Variants in RAB20 observed in about 807,000 individuals in gnomAD.
RAB20 encodes the protein ras-related protein Rab-20.
A neutral mutation model predicts 3.7 loss-of-function variants in RAB20; 2 were observed. The ratio of observed to expected loss-of-function variants is 0.54; its 90% CI spans 0.22 to 1.69. The LOEUF is 1.69. RAB20 is among the 40% of genes most tolerant of loss of function. RAB20 has a pLI of 0.19. For synonymous variants in RAB20, 126 were observed against 130.8 expected, an observed-to-expected ratio of 0.96 and a Z score of 0.25; for missense variants, 276 against 311.9, an observed-to-expected ratio of 0.88 and a Z score of 0.87.
At chr13:110,539,181 TGAC>T (rs1884709149) in intron 1 of RAB20, among the ~76,000 whole-genome samples, 2 of 152,216 alleles carry the variant, frequency 1.3e-5, no homozygotes, top group Non-Finnish European at 2.9e-5. Context: ...GAATAGTCTA[TGAC>T]AATTAAAGGG....
At chr13:110,558,573 G>T (rs984647769) in intron 1 of RAB20, among the ~76,000 whole-genome samples, 2 of 151,410 alleles carry the variant, frequency 1.3e-5, no homozygotes, top group Non-Finnish European at 2.9e-5. Context: ...TAGTAGACAC[G>T]GGTTCACCAC....
chr13:110,524,654 C>T (rs147598115), intron 1 of RAB20, among the ~76,000 whole-genome samples: 122 of 152,358 alleles, frequency 8.0e-4, no homozygotes, highest in African/African-American at 2.8e-3. Flanking sequence ...CCTTCACCCT[C>T]CTCCTTTACA....
At chr13:110,545,995 C>T (rs1278575684) in intron 1 of RAB20, among the ~76,000 whole-genome samples, 1 of 151,982 alleles carries the variant, frequency 6.6e-6, no homozygotes, top group Admixed American at 6.6e-5. Context: ...AAGCATACAG[C>T]AAAGCAGATG....
intron 1 of RAB20, among the ~76,000 whole-genome samples, chr13:110,545,530 G>C (rs1379357209): frequency 1.3e-5 from 2 of 152,154 alleles, no homozygotes; most frequent in Non-Finnish European, 2.9e-5. Flanking sequence ...CTGATTTATA[G>C]GCAGTCCTCC....
Position 110,535,566 on chromosome 13 carries a change from C to A in RAB20, c.173-11369G>T, listed in dbSNP as rs142565936. 5.8e-3 allele frequency among the ~76,000 whole-genome samples: 881 copies of A among 152,362 alleles called. 10 individuals carry two copies. The highest frequency in any genetic ancestry group is 0.019 in the African/African-American group (803 of 41,590). On this transcript the variant is annotated intron_variant, in intron 1 of 1. Coordinates refer to ENST00000267328, the MANE Select transcript of RAB20 (RefSeq NM_017817.3). Reference sequence around the variant, plus strand: ...AGAGACTCTACTGGCGAGATTGGAACCCATTCCCTAGATTCCACCTCTCCT... The same window carrying A: ...AGAGACTCTACTGGCGAGATTGGAAACCATTCCCTAGATTCCACCTCTCCT...
chr13:110,546,695 C>CT (rs1884854291), intron 1 of RAB20, among the ~76,000 whole-genome samples: 1 of 131,270 alleles, frequency 7.6e-6, no homozygotes, highest in Non-Finnish European at 1.7e-5. Flanking sequence ...ACAAGCTGAA[C>CT]TTCTGTTTTT....
intron 1 of RAB20, among the ~76,000 whole-genome samples, chr13:110,535,468 C>T (rs760271625): frequency 3.3e-5 from 5 of 152,244 alleles, no homozygotes; most frequent in Non-Finnish European, 7.3e-5. Flanking sequence ...TCGTGGGTCA[C>T]GTCTTCATGG....
intron 1 of RAB20, among the ~76,000 whole-genome samples, chr13:110,549,987 C>T (rs1224985334): frequency 6.6e-6 from 1 of 152,162 alleles, no homozygotes; most frequent in African/African-American, 2.4e-5. Flanking sequence ...GCCTCCCACA[C>T]TGCTGGGATG....
rs1885029809 is a variant in RAB20, at chr13:110,555,826, C to T, written c.172+5522G>A. On this transcript the variant is annotated intron_variant, in intron 1 of 1. Transcript: ENST00000267328. This position sits in a 1 kb window ranked among gnomAD's most constrained non-coding sequence, Gnocchi z 4.0. ...TCTTTACCACGGCCACCGCGAGTGC[C>T]CCCAGCCTTCCCTCCTCTCGCCGTG... 6.6e-6 allele frequency among the ~76,000 whole-genome samples: 1 copy of T among 152,192 alleles called. No individual in the cohort carries two copies. The highest frequency in any genetic ancestry group is 2.1e-4 in the South Asian group (1 of 4,836).
In RAB20 at chr13:110,561,353, G is replaced by A. The variant is rs753402781; in HGVS notation, c.167C>T (p.Thr56Ile). The A allele has an allele frequency of 3.1e-6, 5 of 1,601,998 alleles. No homozygotes were observed. The South Asian group carries it at 4.4e-5, about 14-fold the overall frequency. Reference sequence around the variant, plus strand: ...TCATGCGGCGCCGGCCTCACCTGCGGTGTCCCAGATGGAGATGTTGTAGGA... The same window carrying A: ...TCATGCGGCGCCGGCCTCACCTGCGATGTCCCAGATGGAGATGTTGTAGGA... ...WRSYNISIWD[T>I]AGREQFHGLG... Residue 56 changes from threonine (T) to isoleucine (I), a missense_variant, in exon 1 of 2, where the codon ACC (threonine) becomes ATC (isoleucine). Thr to Ile is a moderately conservative substitution (Grantham distance 89, BLOSUM62 -1). Transcript: ENST00000267328.
chr13:110,548,910 G>C (rs1230766371), intron 1 of RAB20, among the ~76,000 whole-genome samples: 1 of 152,174 alleles, frequency 6.6e-6, no homozygotes, highest in Non-Finnish European at 1.5e-5. Context: ...GCACCCAGAA[G>C]CATGATAAAT....
intron 1 of RAB20, among the ~76,000 whole-genome samples, chr13:110,528,763 G>T (rs1884476593): frequency 6.6e-6 from 1 of 152,060 alleles, no homozygotes; most frequent in African/African-American, 2.4e-5. Flanking sequence ...ACTAAAAAAG[G>T]AAATAATAAT....
intron 1 of RAB20, among the ~76,000 whole-genome samples, chr13:110,533,851 T>C (rs1214001434): frequency 6.6e-6 from 1 of 152,262 alleles, no homozygotes; most frequent in Admixed American, 6.5e-5. Context: ...CTGGGCTGCC[T>C]GGAGCCAGCA....
Position 110,533,532 on chromosome 13 carries a change from A to T in RAB20, c.173-9335T>A, listed in dbSNP as rs183227775. Among the ~76,000 whole-genome samples the T allele has an allele frequency of 6.8e-3, 1,039 of 152,214 alleles. 8 individuals carry two copies. Among genetic ancestry groups the T allele is most frequent in the Admixed American group, 0.012 (176 of 15,290 alleles). On this transcript the variant is annotated intron_variant, in intron 1 of 1. Coordinates refer to ENST00000267328, the MANE Select transcript of RAB20 (RefSeq NM_017817.3). ...TCCCTATCTCTACAAAAAAAAATTT[A>T]AAAATGAGCTGGGTATGATGGTATG...
At chr13:110,551,768 A>G (rs945972203) in intron 1 of RAB20, among the ~76,000 whole-genome samples, 1 of 152,052 alleles carries the variant, frequency 6.6e-6, no homozygotes, top group Non-Finnish European at 1.5e-5. Context: ...TACAGAAAGA[A>G]GGGCAATTTG....
At chr13:110,528,101 T>C (rs1013345881) in intron 1 of RAB20, among the ~76,000 whole-genome samples, 11 of 148,330 alleles carry the variant, frequency 7.4e-5, no homozygotes, top group African/African-American at 2.8e-4. Context: ...ACCCCATATC[T>C]AAAATAAATT....
At chr13:110,542,225 C>A (rs58554125) in intron 1 of RAB20, among the ~76,000 whole-genome samples, 9,340 of 152,186 alleles carry the variant, frequency 0.061, 977 homozygotes, top group African/African-American at 0.21. Context: ...GTAAATATTT[C>A]AGATGTACAA....
intron 1 of RAB20, among the ~76,000 whole-genome samples, chr13:110,551,553 A>G (rs1337399943): frequency 6.6e-6 from 1 of 152,186 alleles, no homozygotes; most frequent in Admixed American, 6.5e-5. Context: ...CAGAAGAGAC[A>G]GCACCAGGGA....
At chr13:110,526,648 C>A (rs1353199043) in intron 1 of RAB20, among the ~76,000 whole-genome samples, 3 of 152,178 alleles carry the variant, frequency 2.0e-5, no homozygotes, top group African/African-American at 7.2e-5. Flanking sequence ...TCACCACCCT[C>A]TACCTGAAAT....
Sources: allele counts gnomAD v4.1 joint callset (sites outside exome capture counted in the v4.1 genomes callset), GRCh38; gene constraint gnomAD v4.1.1; non-coding constraint Gnocchi (gnomAD v3.1); transcripts MANE v1.5; gene names NCBI Gene and HGNC (gene_info 2026-07-23, HGNC 2026-07-21).